The following GPHN variants were observed in gnomAD, a reference collection of about 807,000 sequenced individuals.
The protein encoded by GPHN is gephyrin.
In GPHN, 17 loss-of-function variants were observed where a neutral mutation model predicts 95.5. That is an observed-to-expected ratio of 0.18 (90% CI 0.12 to 0.27). GPHN has a LOEUF of 0.27. GPHN is among the 10% of genes least tolerant of loss of function. The probability of loss-of-function intolerance (pLI) is 1.00; values close to 1 mark genes in which losing one functional copy is unlikely to be tolerated. For synonymous variants in GPHN, 320 were observed against 322.5 expected, an observed-to-expected ratio of 0.99 and a Z score of 0.08; for missense variants, 660 against 978.1, an observed-to-expected ratio of 0.67 and a Z score of 4.34.
the GPHN span, among the ~76,000 whole-genome samples, chr14:67,388,456 A>C: frequency 6.6e-6 from 1 of 152,244 alleles, no homozygotes; most frequent in Non-Finnish European, 1.5e-5. Flanking sequence ...CCAAAGCTGC[A>C]TGCATCAGTA....
intron 10 of GPHN, among the ~76,000 whole-genome samples, chr14:67,036,540 CAG>C (rs58602362): frequency 0.013 from 1,902 of 148,318 alleles, 23 homozygotes; most frequent in Middle Eastern, 0.031. Flanking sequence ...CACACACACA[CAG>C]AGAAACACTA....
chr14:66,534,004 G>A (rs1210435784), intron 1 of GPHN, among the ~76,000 whole-genome samples: 2 of 152,178 alleles, frequency 1.3e-5, no homozygotes, highest in African/African-American at 4.8e-5. Flanking sequence ...GACTGAGTTG[G>A]GGCTAAAATA....
chr14:66,528,938 G>A (rs2058800932), intron 1 of GPHN, among the ~76,000 whole-genome samples: 3 of 152,116 alleles, frequency 2.0e-5, no homozygotes, highest in Admixed American at 1.3e-4. Context: ...TCGATTATGT[G>A]TCTTGGGGTT....
chr14:67,531,287 A>AAAC, the GPHN span, among the ~76,000 whole-genome samples: 1 of 152,144 alleles, frequency 6.6e-6, no homozygotes, highest in Admixed American at 6.5e-5. Context: ...TCTTAAAAGA[A>AAAC]AACAACAACA....
intron 1 of GPHN, among the ~76,000 whole-genome samples, chr14:66,567,964 A>G (rs1432135484): frequency 6.6e-6 from 1 of 152,184 alleles, no homozygotes; most frequent in African/African-American, 2.4e-5. Context: ...CCAGTCAGTA[A>G]ATGAAGAGTA....
chr14:66,942,572 T>C (rs1485094537), intron 8 of GPHN, among the ~76,000 whole-genome samples: 1 of 152,224 alleles, frequency 6.6e-6, no homozygotes, highest in Admixed American at 6.5e-5. Flanking sequence ...TGGTTATCTT[T>C]GTGGTTTATA....
intron 4 of GPHN, among the ~76,000 whole-genome samples, chr14:66,865,863 G>A (rs1008383368): frequency 1.3e-5 from 2 of 152,082 alleles, no homozygotes; most frequent in Non-Finnish European, 2.9e-5. Context: ...TCTTAAGTTT[G>A]GCTTGGCTCT....
intron 2 of GPHN, among the ~76,000 whole-genome samples, chr14:66,712,670 T>G (rs2069768101): frequency 6.6e-6 from 1 of 152,216 alleles, no homozygotes; most frequent in Non-Finnish European, 1.5e-5. Context: ...TTTTGGCTTT[T>G]GTTGCCAATC....
intron 12 of GPHN, 59 bp downstream of exon 12, chr14:67,089,134 T>TTTTTTTTTTTTTTTTTTTTTTTC: frequency 1.3e-5 from 2 of 149,820 alleles, no homozygotes; most frequent in Non-Finnish European, 2.1e-5. Flanking sequence ...TCTTTTTTTC[T>TTTTTTTTTTTTTTTTTTTTTTTC]TTTTTTTTTT....
intron 3 of GPHN, among the ~76,000 whole-genome samples, chr14:66,796,210 A>G (rs1193710036): frequency 1.3e-5 from 2 of 152,128 alleles, no homozygotes; most frequent in African/African-American, 2.4e-5. Flanking sequence ...TATAAGAACC[A>G]CATTATCTAT....
At chr14:67,734,637 G>A in the GPHN span, among the ~76,000 whole-genome samples, 5 of 152,314 alleles carry the variant, frequency 3.3e-5, no homozygotes, top group East Asian at 1.9e-4. Flanking sequence ...CTCAGAGTGT[G>A]TAGCTGCTGG....
chr14:66,916,235 T>G (rs535697662), intron 6 of GPHN, among the ~76,000 whole-genome samples, 166 bp downstream of exon 6: 5 of 152,256 alleles, frequency 3.3e-5, no homozygotes, highest in African/African-American at 1.2e-4. Context: ...TGGAAAGACA[T>G]AGAACTCACT....
chr14:67,338,856 C>T, the GPHN span: 2 of 1,104,318 alleles, frequency 1.8e-6, no homozygotes, highest in Non-Finnish European at 2.5e-6. Flanking sequence ...ATAATAAACA[C>T]ATACCTAGAA....
chr14:67,684,906 C>G, the GPHN span: 1 of 824,732 alleles, frequency 1.2e-6, no homozygotes. Flanking sequence ...AGTTAAAAGA[C>G]AAAAGCTATA....
the GPHN span, among the ~76,000 whole-genome samples, chr14:67,215,551 G>T: frequency 6.6e-6 from 1 of 151,844 alleles, no homozygotes; most frequent in Non-Finnish European, 1.5e-5. Flanking sequence ...TGAGAGTAAA[G>T]TAGGAAGAGA....
intron 10 of GPHN, among the ~76,000 whole-genome samples, chr14:67,034,196 G>T (rs1450281186): frequency 6.6e-6 from 1 of 152,104 alleles, no homozygotes; most frequent in African/African-American, 2.4e-5. Flanking sequence ...TACTATAATG[G>T]TGGCATGTAA....
the GPHN span, among the ~76,000 whole-genome samples, chr14:67,480,697 G>T: frequency 6.6e-6 from 1 of 152,168 alleles, no homozygotes; most frequent in African/African-American, 2.4e-5. Context: ...CAGGGCCCGG[G>T]CTGAGGGAAC....
At chr14:67,659,647 A>G in the GPHN span, 1 of 1,386,598 alleles carries the variant, frequency 7.2e-7, no homozygotes, top group Non-Finnish European at 9.7e-7. Flanking sequence ...CACTGATAAC[A>G]TGAAATACCC....
the GPHN span, among the ~76,000 whole-genome samples, chr14:67,711,954 T>C: frequency 2.6e-5 from 4 of 152,138 alleles, no homozygotes; most frequent in African/African-American, 9.7e-5. Flanking sequence ...AGTTTTGCTC[T>C]TGTTGCCCAG....
Sources: gnomAD v4.1 joint callset for allele counts (sites outside exome capture counted in the v4.1 genomes callset) on GRCh38, gnomAD v4.1.1 for gene constraint, MANE v1.5 for transcripts, NCBI Gene and HGNC (gene_info 2026-07-23, HGNC 2026-07-21) for gene names.